CLIP1: variants seen among roughly 807,000 people sequenced by gnomAD.
CLIP1 encodes CAP-Gly domain-containing linker protein 1.
CLIP1 carries 66 observed loss-of-function variants against 161.6 expected under a neutral mutation model. That is an observed-to-expected ratio of 0.41 (90% confidence interval 0.33 to 0.50). CLIP1 has a LOEUF of 0.50. Ranked by LOEUF, CLIP1 falls within the 20% of genes least tolerant of loss-of-function variation. The pLI, the probability that CLIP1 is intolerant of heterozygous loss-of-function variation, is 0.27. For missense variants in CLIP1, 1,376 were observed against 1,702.0 expected (o/e 0.81, Z 3.37); for synonymous variants, 598 against 626.2 (o/e 0.96, Z 0.67).
intron 21 of CLIP1, among the ~76,000 whole-genome samples, chr12:122,283,118 AC>A (rs1340266253): frequency 2.6e-5 from 4 of 152,188 alleles, no homozygotes; most frequent in African/African-American, 2.4e-5. Flanking sequence ...CTTCTTTGAC[AC>A]TAAAAAGCCT....
At chr12:122,392,410 G>A (rs1489119766) in intron 1 of CLIP1, among the ~76,000 whole-genome samples, 1 of 152,112 alleles carries the variant, frequency 6.6e-6, no homozygotes, top group Non-Finnish European at 1.5e-5. Context: ...GCCTCATTAA[G>A]GTAAGAATAT....
chr12:122,289,395 G>T (rs1219788786), intron 20 of CLIP1, among the ~76,000 whole-genome samples: 1 of 151,296 alleles, frequency 6.6e-6, no homozygotes, highest in African/African-American at 2.4e-5. Flanking sequence ...CTCCAGCCTG[G>T]GTGACAGAGT....
chr12:122,340,224 G>A (rs1239604900), intron 11 of CLIP1, among the ~76,000 whole-genome samples: 1 of 152,132 alleles, frequency 6.6e-6, no homozygotes. Flanking sequence ...GGGATTACAG[G>A]TGTCCGCCAC....
chr12:122,374,961 T>C (rs910749710), intron 3 of CLIP1, among the ~76,000 whole-genome samples: 1 of 152,116 alleles, frequency 6.6e-6, no homozygotes, highest in Non-Finnish European at 1.5e-5. Context: ...GACAACCACG[T>C]TGAAACACAA....
intron 5 of CLIP1, among the ~76,000 whole-genome samples, chr12:122,356,358 T>G (rs1196847184): frequency 6.6e-6 from 1 of 152,196 alleles, no homozygotes; most frequent in African/African-American, 2.4e-5. Context: ...ACTACTAGTT[T>G]GAGGCAATTC....
intron 20 of CLIP1, among the ~76,000 whole-genome samples, chr12:122,293,286 T>A (rs1422154275): frequency 1.3e-5 from 2 of 151,982 alleles, no homozygotes; most frequent in African/African-American, 4.8e-5. Context: ...TGAGATACAC[T>A]CCACATGCCA....
chr12:122,338,515 G>A (rs202208036), intron 11 of CLIP1, among the ~76,000 whole-genome samples: 3 of 151,816 alleles, frequency 2.0e-5, no homozygotes, highest in East Asian at 3.9e-4. Flanking sequence ...TCAGGAGTTC[G>A]AGACCACCCT....
intron 1 of CLIP1, among the ~76,000 whole-genome samples, chr12:122,406,079 C>T (rs1956318503): frequency 6.6e-6 from 1 of 151,618 alleles, no homozygotes; most frequent in Non-Finnish European, 1.5e-5. Flanking sequence ...GGATGGGGGG[C>T]GGGAAGCAAA....
intron 1 of CLIP1, among the ~76,000 whole-genome samples, chr12:122,402,863 T>C (rs1466067804): frequency 2.6e-5 from 4 of 152,200 alleles, no homozygotes; most frequent in African/African-American, 7.2e-5. Context: ...ATTATTAACA[T>C]TTTACATTCT....
chr12:122,384,994 G>A (rs1366577856), intron 1 of CLIP1, among the ~76,000 whole-genome samples: 2 of 149,018 alleles, frequency 1.3e-5, no homozygotes, highest in East Asian at 2.0e-4. Flanking sequence ...GTGCAGTGGC[G>A]CAATCTCAGC....
At chr12:122,285,366 G>A (rs1223199692) in intron 21 of CLIP1, among the ~76,000 whole-genome samples, 1 of 151,820 alleles carries the variant, frequency 6.6e-6, no homozygotes, top group Non-Finnish European at 1.5e-5. Flanking sequence ...AGCTAGGACT[G>A]CAGGCACATG....
intron 20 of CLIP1, among the ~76,000 whole-genome samples, chr12:122,304,424 G>A (rs992865001): frequency 1.3e-5 from 2 of 152,076 alleles, no homozygotes; most frequent in African/African-American, 2.4e-5. Context: ...CCAGTGGTAC[G>A]ATCTCGACTA....
At chr12:122,302,183 C>T (rs1226313913) in intron 20 of CLIP1, among the ~76,000 whole-genome samples, 1 of 152,222 alleles carries the variant, frequency 6.6e-6, no homozygotes, top group East Asian at 1.9e-4. Context: ...TCACCGCAAC[C>T]TCTGCCTCCT....
intron 3 of CLIP1, among the ~76,000 whole-genome samples, chr12:122,376,589 C>T (rs947087789): frequency 1.3e-5 from 2 of 151,860 alleles, no homozygotes; most frequent in Non-Finnish European, 2.9e-5. Flanking sequence ...GCCTCAGCCT[C>T]CCGAGTAGCT....
chr12:122,409,996 G>A (rs146125533), intron 1 of CLIP1, among the ~76,000 whole-genome samples: 16 of 150,664 alleles, frequency 1.1e-4, no homozygotes, highest in African/African-American at 3.4e-4. Flanking sequence ...TCAGCCTCCC[G>A]AGTAGCTGGG....
intron 1 of CLIP1, among the ~76,000 whole-genome samples, chr12:122,409,657 G>A (rs576415834): frequency 6.6e-6 from 1 of 151,234 alleles, no homozygotes; most frequent in Admixed American, 6.6e-5. Context: ...TCAGCCTCCC[G>A]AGTAGCTGGG....
chr12:122,407,138 A>C (rs1956352737), intron 1 of CLIP1, among the ~76,000 whole-genome samples: 1 of 152,174 alleles, frequency 6.6e-6, no homozygotes, highest in Non-Finnish European at 1.5e-5. Context: ...GGCAGCAGTC[A>C]ATTATACTAA....
chr12:122,389,317 T>C (rs10161534), intron 1 of CLIP1, among the ~76,000 whole-genome samples: 113,178 of 151,980 alleles, frequency 0.74, 42,355 homozygotes, highest in East Asian at 0.85. Context: ...ATAAACAATG[T>C]TTACTAAATA....
chr12:122,314,603 G>A (rs756087596), intron 19 of CLIP1, among the ~76,000 whole-genome samples: 1 of 152,136 alleles, frequency 6.6e-6, no homozygotes, highest in Non-Finnish European at 1.5e-5. Context: ...TAGGACCCAG[G>A]GAGCTTGGCG....
Sources: allele counts gnomAD v4.1 joint callset (sites outside exome capture counted in the v4.1 genomes callset), GRCh38; gene constraint gnomAD v4.1.1; transcripts MANE v1.5; gene names NCBI Gene and HGNC (gene_info 2026-07-23, HGNC 2026-07-21).